The following SLC6A16 variants were observed in gnomAD, a reference collection of about 807,000 sequenced individuals.
The protein encoded by SLC6A16 is solute carrier family 6 member 16.
SLC6A16 carries 54 observed loss-of-function variants against 65.4 expected under a neutral mutation model. That is an observed-to-expected ratio of 0.83 (90% CI 0.66 to 1.04). The LOEUF (loss-of-function observed/expected upper bound fraction) is 1.04. SLC6A16 is among the 50% of genes least tolerant of loss of function. The probability of loss-of-function intolerance (pLI) is 0.00; values close to 1 mark genes in which losing one functional copy is unlikely to be tolerated. For missense variants in SLC6A16, 816 were observed against 914.0 expected (o/e 0.89, Z 1.38); for synonymous variants, 330 against 346.5 (o/e 0.95, Z 0.53).
chr19:49,295,209 G>A (rs1970162851), intron 7 of SLC6A16, among the ~76,000 whole-genome samples: 2 of 151,926 alleles, frequency 1.3e-5, no homozygotes, highest in African/African-American at 2.4e-5. Context: ...GTGAAACCCC[G>A]TCTCTACTAA....
At chr19:49,335,680 G>A in the SLC6A16 span, 1 of 1,612,362 alleles carries the variant, frequency 6.2e-7, no homozygotes, top group Non-Finnish European at 8.5e-7. This position sits in a 1 kb window ranked among gnomAD's most constrained non-coding sequence, Gnocchi z 4.6. Context: ...CTTCCCCTGT[G>A]GCCCACCCCC....
chr19:49,295,416 T>C (rs17625869), intron 7 of SLC6A16, among the ~76,000 whole-genome samples: 30 of 151,800 alleles, frequency 2.0e-4, no homozygotes, highest in Non-Finnish European at 4.0e-4. Context: ...CTGTAAGAAC[T>C]GCAATGGACA....
At chr19:49,338,991 G>A in the SLC6A16 span, 1 of 1,367,910 alleles carries the variant, frequency 7.3e-7, no homozygotes, top group Non-Finnish European at 1.0e-6. This position sits in a 1 kb window ranked among gnomAD's most constrained non-coding sequence, Gnocchi z 5.0. Context: ...CTGCGGGAGG[G>A]GGAGGGCTGT....
At chr19:49,294,786 T>C (rs1165923597) in intron 7 of SLC6A16, among the ~76,000 whole-genome samples, 1 of 152,034 alleles carries the variant, frequency 6.6e-6, no homozygotes, top group Non-Finnish European at 1.5e-5. Context: ...TTTTCTACAG[T>C]CTTCTTGGGG....
upstream of SLC6A16, among the ~76,000 whole-genome samples, chr19:49,325,741 A>G (rs1970788590): frequency 6.6e-6 from 1 of 152,212 alleles, no homozygotes; most frequent in Non-Finnish European, 1.5e-5. Context: ...TTACATTTAT[A>G]TGGGTTGTAT....
intron 1 of SLC6A16, among the ~76,000 whole-genome samples, chr19:49,320,279 G>T (rs1422494359): frequency 6.6e-6 from 1 of 151,756 alleles, no homozygotes; most frequent in South Asian, 2.1e-4. Context: ...ATGGTGGTGG[G>T]CGCCTGTAAT....
chr19:49,319,923 T>C (rs570436373), intron 1 of SLC6A16, among the ~76,000 whole-genome samples: 1 of 152,112 alleles, frequency 6.6e-6, no homozygotes, highest in African/African-American at 2.4e-5. Flanking sequence ...AAAGTAAAAT[T>C]GAAAATTTTA....
At chr19:49,338,235 C>T in the SLC6A16 span, 2 of 1,405,528 alleles carry the variant, frequency 1.4e-6, no homozygotes, top group Non-Finnish European at 1.9e-6. The surrounding 1 kb of genome is among the most constrained non-coding windows in gnomAD (Gnocchi z 5.0). Flanking sequence ...CCTGGCGTGG[C>T]TTCGCCATCT....
rs1326793519 is a variant in SLC6A16 at position 49,290,076 on chromosome 19, T to C, written c.*47A>G. The C allele has an allele frequency of 5.1e-6, 8 of 1,567,002 alleles. No individual in the cohort carries two copies. Among genetic ancestry groups the C allele is most frequent in the East Asian group, 2.2e-5 (1 of 44,486 alleles). On this transcript the variant is annotated 3_prime_UTR_variant, in exon 12 of 12. Transcript: ENST00000335875. ...GCAAGCTGATATTAAGAGTTGTCTA[T>C]TGGATCTGTTCTAAGGGATATGTTA...
At chr19:49,325,241 C>A (rs1394321876), upstream of SLC6A16, 1 of 984,636 alleles carries the variant, frequency 1.0e-6, no homozygotes, top group African/African-American at 1.8e-5. Context: ...CGCCGCCGCG[C>A]CCCCTCACTC....
rs757241071 is a variant in SLC6A16 at position 49,293,994 on chromosome 19, A to G, written c.1451T>C (p.Phe484Ser). 36 of 1,613,088 alleles carry G rather than the reference A, an allele frequency of 2.2e-5. No homozygotes were observed. The highest frequency in any genetic ancestry group is 3.0e-5 in the Non-Finnish European group (35 of 1,180,026). The stretch of plus-strand genomic sequence containing the variant: ...AGGAAGGAAGGACATGGCTTCAACA[A>G]AGGACAGGAATGCAAACTTTGGGCC... Reference protein sequence around the residue: ...SEGPKFAFLSFVEAMSFLPPS... With the variant: ...SEGPKFAFLSSVEAMSFLPPS... Residue 484 changes from phenylalanine (F) to serine (S), a missense_variant, in exon 9 of 12, where the codon TTT becomes TCT. Phe to Ser is a radical substitution (Grantham distance 155). Transcript: ENST00000335875.
the SLC6A16 span, among the ~76,000 whole-genome samples, chr19:49,333,905 G>C: frequency 6.6e-6 from 1 of 152,204 alleles, no homozygotes; most frequent in Non-Finnish European, 1.5e-5. Flanking sequence ...TGCAGACCCA[G>C]ATCTGACTGT....
intron 1 of SLC6A16, among the ~76,000 whole-genome samples, chr19:49,319,218 GC>G (rs1475272793): frequency 6.6e-6 from 1 of 151,714 alleles, no homozygotes; most frequent in Non-Finnish European, 1.5e-5. Context: ...ATATCAAATG[GC>G]CTAAAATGTG....
chr19:49,290,230 A>T lies in SLC6A16; in HGVS notation c.2104T>A (p.Ser702Thr), dbSNP rs185820245. Residue 702 changes from serine to threonine, a missense_variant, in exon 12 of 12, where the codon TCC becomes ACC. Transcript: ENST00000335875. ...GTTAGCTGGTGACTTAGGGGTAGGG[A>T]TGTGGAGGCTGTCATAGGCCCGTCT... is the stretch of plus-strand genomic sequence containing the variant. ...SGDGPMTASTSLPLSHQLTPS... is the reference protein window; with the variant it reads ...SGDGPMTASTTLPLSHQLTPS... 6 of 1,613,988 alleles carry T rather than the reference A, an allele frequency of 3.7e-6. No individual in the cohort carries two copies. The East Asian group carries it at 1.3e-4, about 36-fold the overall frequency.
the SLC6A16 span, among the ~76,000 whole-genome samples, chr19:49,332,491 G>A: frequency 2.4e-4 from 36 of 152,060 alleles, no homozygotes; most frequent in African/African-American, 8.2e-4. Flanking sequence ...CTGGGAGGCG[G>A]AGGTTGCAGT....
Position 49,309,370 on chromosome 19 carries a change from G to A in SLC6A16, c.918C>T (p.Val306=), listed in dbSNP as rs376037576. The A allele has an allele frequency of 1.7e-4, 281 of 1,614,064 alleles. No homozygotes were observed. Among genetic ancestry groups the A allele is most frequent in the African/African-American group, 1.3e-3 (95 of 75,022 alleles). Residue 306 remains valine (V), a synonymous_variant, in exon 6 of 12, where the codon GTC becomes GTT. Coordinates refer to ENST00000335875, the MANE Select transcript of SLC6A16 (RefSeq NM_014037.3). ...VLVLLPCFII[V]GFFIRTLLLE... is the part of the protein sequence containing the mutation. Reference sequence around the variant, plus strand: ...GGAGTAGAGTCCGGATGAAGAAACCGACAATGATGAAACAGGGGAGCAGTA... The same window carrying A: ...GGAGTAGAGTCCGGATGAAGAAACCAACAATGATGAAACAGGGGAGCAGTA...
the SLC6A16 span, among the ~76,000 whole-genome samples, chr19:49,332,679 A>C: frequency 6.6e-6 from 1 of 152,236 alleles, no homozygotes; most frequent in Non-Finnish European, 1.5e-5. Flanking sequence ...TAAGGTCACC[A>C]CAAGTTCTGG....
chr19:49,291,529 G>C (rs1970078631), intron 10 of SLC6A16, among the ~76,000 whole-genome samples: 1 of 152,154 alleles, frequency 6.6e-6, no homozygotes, highest in East Asian at 1.9e-4. Context: ...TGTTGGGTGA[G>C]TTAATAAATG....
At chr19:49,307,141 G>C (rs12151348) in intron 7 of SLC6A16, among the ~76,000 whole-genome samples, 4 of 145,710 alleles carry the variant, frequency 2.7e-5, no homozygotes, top group South Asian at 2.2e-4. Context: ...GCCTCCCTAA[G>C]AGCTGGCATT....
Sources: allele counts gnomAD v4.1 joint callset (sites outside exome capture counted in the v4.1 genomes callset), GRCh38; gene constraint gnomAD v4.1.1; non-coding constraint Gnocchi (gnomAD v3.1); transcripts MANE v1.5; gene names NCBI Gene and HGNC (gene_info 2026-07-23, HGNC 2026-07-21).